Variants in PRP4K observed in about 807,000 individuals in gnomAD.
The protein encoded by PRP4K is pre-mRNA processing factor kinase PRP4K, also known as serine/threonine-protein kinase PRP4 homolog.
chr6:4,047,170 T>A, the PRP4K span: 1 of 1,602,090 alleles, frequency 6.2e-7, no homozygotes, highest in Non-Finnish European at 8.5e-7. Context: ...CTAATTTCCT[T>A]TAAGGTTCAT....
chr6:4,037,381 A>G, the PRP4K span: 1 of 1,543,580 alleles, frequency 6.5e-7, no homozygotes, highest in Non-Finnish European at 8.7e-7. Context: ...TTTAACTTGC[A>G]TTTGATCCCC....
chr6:4,029,773 C>T, the PRP4K span, among the ~76,000 whole-genome samples: 4 of 152,058 alleles, frequency 2.6e-5, no homozygotes, highest in African/African-American at 9.7e-5. Flanking sequence ...TGACCGTTCT[C>T]GAAATTAGTT....
At chr6:4,057,912 C>G in the PRP4K span, among the ~76,000 whole-genome samples, 1 of 152,106 alleles carries the variant, frequency 6.6e-6, no homozygotes, top group African/African-American at 2.4e-5. Flanking sequence ...CCGCACCCGG[C>G]TGTAACTTAG....
At chr6:4,025,112 T>C in the PRP4K span, among the ~76,000 whole-genome samples, 2 of 152,226 alleles carry the variant, frequency 1.3e-5, no homozygotes, top group African/African-American at 4.8e-5. Flanking sequence ...CAATAAATAT[T>C]TTGTGATAAA....
At chr6:4,038,367 A>G in the PRP4K span, among the ~76,000 whole-genome samples, 4 of 151,372 alleles carry the variant, frequency 2.6e-5, no homozygotes, top group Middle Eastern at 3.4e-3. Context: ...TCTCACTGCA[A>G]CCTCCACCTC....
the PRP4K span, chr6:4,032,243 T>A: frequency 2.5e-6 from 4 of 1,613,516 alleles, no homozygotes; most frequent in Non-Finnish European, 3.4e-6. Flanking sequence ...CAAAATCCCC[T>A]ACCCTTAGAA....
the PRP4K span, chr6:4,056,522 T>C: frequency 5.6e-6 from 9 of 1,607,512 alleles, no homozygotes; most frequent in Non-Finnish European, 7.6e-6. Flanking sequence ...TCCATCACAC[T>C]TCAGCAGCTG....
At chr6:4,024,704 G>A in the PRP4K span, among the ~76,000 whole-genome samples, 1 of 152,150 alleles carries the variant, frequency 6.6e-6, no homozygotes, top group Non-Finnish European at 1.5e-5. Flanking sequence ...CCAGGTTCAA[G>A]TGATTCTCCT....
At chr6:4,024,497 C>A in the PRP4K span, among the ~76,000 whole-genome samples, 16 of 151,916 alleles carry the variant, frequency 1.1e-4, no homozygotes, top group African/African-American at 3.9e-4. Context: ...TCAGTCAGTT[C>A]TCTGTGTCTC....
the PRP4K span, among the ~76,000 whole-genome samples, chr6:4,043,181 A>G: frequency 0.71 from 107,601 of 152,018 alleles, 38,157 homozygotes; most frequent in East Asian, 0.77. Context: ...ATAGCAAACC[A>G]TAAATCAGGT....
the PRP4K span, among the ~76,000 whole-genome samples, chr6:4,033,314 G>T: frequency 1.3e-5 from 2 of 152,070 alleles, no homozygotes; most frequent in Admixed American, 1.3e-4. Flanking sequence ...TTGAAAAGTA[G>T]TATCTCTTAA....
At chr6:4,059,842 G>A in the PRP4K span, among the ~76,000 whole-genome samples, 40 of 152,224 alleles carry the variant, frequency 2.6e-4, no homozygotes, top group African/African-American at 9.4e-4. Context: ...GATGGGTTTT[G>A]CAGTGTTGCC....
the PRP4K span, chr6:4,031,759 A>G: frequency 6.2e-7 from 1 of 1,604,320 alleles, no homozygotes; most frequent in South Asian, 1.1e-5. Context: ...CACAAAAGAA[A>G]AGAGATTATT....
chr6:4,049,231 T>C, the PRP4K span: 133 of 856,966 alleles, frequency 1.6e-4, no homozygotes, highest in Middle Eastern at 2.6e-3. Context: ...TCTTTAAAAA[T>C]TGTGGCACAT....
At chr6:4,035,844 G>A in the PRP4K span, among the ~76,000 whole-genome samples, 2,605 of 152,150 alleles carry the variant, frequency 0.017, 29 homozygotes, top group Non-Finnish European at 0.029. Context: ...GCTCATGCCT[G>A]TAATCCCAGC....
At chr6:4,041,346 A>G in the PRP4K span, among the ~76,000 whole-genome samples, 1 of 152,194 alleles carries the variant, frequency 6.6e-6, no homozygotes, top group African/African-American at 2.4e-5. Context: ...ATGAAAATGT[A>G]GAAACATTTC....
At chr6:4,057,103 T>C in the PRP4K span, 1 of 1,612,218 alleles carries the variant, frequency 6.2e-7, no homozygotes, top group Non-Finnish European at 8.5e-7. Context: ...ACGAACTCTA[T>C]ACTGGAAAAA....
the PRP4K span, among the ~76,000 whole-genome samples, chr6:4,024,974 T>C: frequency 6.6e-6 from 1 of 152,196 alleles, no homozygotes; most frequent in African/African-American, 2.4e-5. Context: ...ACATGGGTTT[T>C]TTAAAAGGTA....
At chr6:4,060,390 C>A in the PRP4K span, 2 of 1,596,504 alleles carry the variant, frequency 1.3e-6, no homozygotes, top group East Asian at 2.2e-5. The surrounding 1 kb of genome is among the most constrained non-coding windows in gnomAD (Gnocchi z 4.7). Flanking sequence ...TTTAGAGATA[C>A]GCATTTTAAA....
Sources: allele counts gnomAD v4.1 joint callset (sites outside exome capture counted in the v4.1 genomes callset), GRCh38; gene constraint gnomAD v4.1.1; non-coding constraint Gnocchi (gnomAD v3.1); transcripts MANE v1.5; gene names NCBI Gene and HGNC (gene_info 2026-07-23, HGNC 2026-07-21).